The following LPP variants were observed in gnomAD, a reference collection of about 807,000 sequenced individuals.
LPP encodes LIM domain containing preferred translocation partner in lipoma, also known as lipoma-preferred partner.
In LPP, 38 loss-of-function variants were observed where a neutral mutation model predicts 60.4. The ratio of observed to expected loss-of-function variants is 0.63; its 90% CI spans 0.49 to 0.83. LPP has a LOEUF of 0.83. Ranked by LOEUF, LPP falls within the 40% of genes least tolerant of loss-of-function variation. The pLI is 0.00. For synonymous variants in LPP, 328 were observed against 290.8 expected (o/e 1.13, Z -1.30); for missense variants, 902 against 783.6 (o/e 1.15, Z -1.80).
At chr3:188,185,794 G>GTTA (rs1300382191) in intron 1 of LPP, among the ~76,000 whole-genome samples, 1 of 152,176 alleles carries the variant, frequency 6.6e-6, no homozygotes, top group Non-Finnish European at 1.5e-5. Flanking sequence ...TTGACCTAAT[G>GTTA]TTATGTTTTG....
chr3:188,593,906 C>G (rs562666221), intron 6 of LPP, among the ~76,000 whole-genome samples: 1 of 152,286 alleles, frequency 6.6e-6, no homozygotes, highest in South Asian at 2.1e-4. Context: ...TATAAACACA[C>G]GTGTGCAAGT....
At position 188,561,418 on chromosome 3, in the gene LPP, C is replaced by A. The variant is rs1434589271; in HGVS notation, c.429+36631C>A. On this transcript the variant is annotated intron_variant, in intron 6 of 11. Transcript: ENST00000617246. ...GCAGCCTTGAATTTTCTCCTCTCTC[C>A]TTTAATGGAAATCCATTCTATACTT... Among the ~76,000 whole-genome samples the A allele has an allele frequency of 2.0e-5, 3 of 152,042 alleles. No individual in the cohort carries two copies. In the East Asian group the frequency reaches 5.8e-4, roughly 29 times the overall value.
intron 4 of LPP, among the ~76,000 whole-genome samples, chr3:188,441,044 G>GTA (rs1450432348): frequency 6.6e-6 from 1 of 151,602 alleles, no homozygotes; most frequent in African/African-American, 2.4e-5. Context: ...GTGTGTGTGT[G>GTA]TGCGTGCCTG....
intron 6 of LPP, chr3:188,553,938 T>A (rs1828831723): frequency 6.6e-6 from 1 of 152,210 alleles, no homozygotes; most frequent in African/African-American, 2.4e-5. Flanking sequence ...ATCACAGAAA[T>A]GTTAATGCAG....
At chr3:188,209,324 G>A (rs953048565) in intron 1 of LPP, among the ~76,000 whole-genome samples, 2 of 152,214 alleles carry the variant, frequency 1.3e-5, no homozygotes, top group African/African-American at 4.8e-5. Flanking sequence ...TTAATAAAAG[G>A]TAGAACACAC....
intron 9 of LPP, among the ~76,000 whole-genome samples, chr3:188,806,929 A>G (rs537826015): frequency 6.6e-6 from 1 of 152,106 alleles, no homozygotes; most frequent in Non-Finnish European, 1.5e-5. Context: ...TTTTAGAGCA[A>G]TTAAAAATAA....
chr3:188,831,533 C>T (rs1757137527), intron 9 of LPP, among the ~76,000 whole-genome samples: 1 of 152,184 alleles, frequency 6.6e-6, no homozygotes, highest in Non-Finnish European at 1.5e-5. Flanking sequence ...CAAGGATACA[C>T]TTTCAAGGCA....
At chr3:188,480,670 G>A (rs1006572504) in intron 4 of LPP, among the ~76,000 whole-genome samples, 12 of 152,192 alleles carry the variant, frequency 7.9e-5, no homozygotes, top group Admixed American at 2.6e-4. Context: ...TTGCCTGTAC[G>A]TCTCAGAGTC....
chr3:188,564,187 A>G (rs1368457332), intron 6 of LPP, among the ~76,000 whole-genome samples: 4 of 152,040 alleles, frequency 2.6e-5, no homozygotes, highest in African/African-American at 7.2e-5. Context: ...TACTGATTCT[A>G]TGATAGGAAG....
chr3:188,295,385 A>C (rs186021706), intron 2 of LPP, among the ~76,000 whole-genome samples: 6 of 152,290 alleles, frequency 3.9e-5, no homozygotes, highest in Non-Finnish European at 7.3e-5. Flanking sequence ...AGGGCTCGCT[A>C]TTCATCTAGT....
In LPP at chr3:188,313,602, A is replaced by C. The variant is rs551880793; in HGVS notation, c.-66-28061A>C. 2.7e-5 allele frequency among the ~76,000 whole-genome samples: 4 copies of C among 150,770 alleles called. No individual in the cohort carries two copies. In the South Asian group the frequency reaches 8.4e-4, roughly 32 times the overall value. On this transcript the variant is annotated intron_variant, in intron 2 of 11. Transcript: ENST00000617246. ...CAGTGAGCCAAGATCCCGCCACTGC[A>C]CTCCAGCCTGGGTGACAGAGTGAGA...
intron 8 of LPP, among the ~76,000 whole-genome samples, chr3:188,748,922 C>T (rs1727173312): frequency 6.6e-6 from 1 of 151,882 alleles, no homozygotes; most frequent in Non-Finnish European, 1.5e-5. Context: ...AGAGCCTTGA[C>T]TTTTTTTTGC....
chr3:188,344,431 C>A (rs1763808893), intron 3 of LPP, among the ~76,000 whole-genome samples: 2 of 152,264 alleles, frequency 1.3e-5, no homozygotes, highest in East Asian at 1.9e-4. Flanking sequence ...CCATGAGAAT[C>A]CTTTTCTAAT....
chr3:188,697,643 G>A (rs921407394), intron 7 of LPP, among the ~76,000 whole-genome samples: 1 of 152,098 alleles, frequency 6.6e-6, no homozygotes, highest in Non-Finnish European at 1.5e-5. Flanking sequence ...TATGTTTCCT[G>A]TTATTTTCTA....
intron 2 of LPP, among the ~76,000 whole-genome samples, chr3:188,316,472 A>T (rs1199988083): frequency 6.6e-6 from 1 of 152,192 alleles, no homozygotes; most frequent in Non-Finnish European, 1.5e-5. Context: ...CTCAAGAAAA[A>T]ATACAGTTGA....
At chr3:188,222,575 T>G (rs2149297057) in intron 1 of LPP, among the ~76,000 whole-genome samples, 1 of 152,300 alleles carries the variant, frequency 6.6e-6, no homozygotes, top group Admixed American at 6.5e-5. Context: ...TCCTGATGGC[T>G]TCTAGAAATC....
chr3:188,662,020 G>C (rs1854690999), intron 7 of LPP, among the ~76,000 whole-genome samples: 1 of 152,230 alleles, frequency 6.6e-6, no homozygotes, highest in Non-Finnish European at 1.5e-5. Flanking sequence ...TCTGCTGTTA[G>C]TGTGACCAGA....
intron 2 of LPP, among the ~76,000 whole-genome samples, chr3:188,283,454 T>C (rs1742808986): frequency 6.6e-6 from 1 of 152,202 alleles, no homozygotes; most frequent in South Asian, 2.1e-4. Context: ...ACTGCTCACA[T>C]GATGTGCTTG....
intron 3 of LPP, among the ~76,000 whole-genome samples, chr3:188,364,894 G>A (rs1770649876): frequency 6.6e-6 from 1 of 151,356 alleles, no homozygotes; most frequent in Non-Finnish European, 1.5e-5. Flanking sequence ...AACAGAGGAA[G>A]AAGCCCTGGA....
Sources: gnomAD v4.1 joint callset for allele counts (sites outside exome capture counted in the v4.1 genomes callset) on GRCh38, gnomAD v4.1.1 for gene constraint, MANE v1.5 for transcripts, NCBI Gene and HGNC (gene_info 2026-07-23, HGNC 2026-07-21) for gene names.